Variants in PDZK1 observed in about 807,000 individuals in gnomAD.
The protein encoded by PDZK1 is PDZ domain containing 1, also known as Na(+)/H(+) exchange regulatory cofactor NHE-RF3.
In PDZK1, 23 loss-of-function variants were observed where a neutral mutation model predicts 38.1. The observed-to-expected ratio is 0.60, with a 90% CI of 0.43 to 0.85. The LOEUF is 0.85. PDZK1 is among the 40% of genes least tolerant of loss of function. PDZK1 has a pLI of 0.00. For synonymous variants in PDZK1, 98 were observed against 186.2 expected (o/e 0.53, Z 3.86); for missense variants, 297 against 504.3 (o/e 0.59, Z 3.94).
chr1:145,702,095 G>A (rs945306919), intron 1 of PDZK1, among the ~76,000 whole-genome samples: 3 of 152,126 alleles, frequency 2.0e-5, no homozygotes, highest in Non-Finnish European at 4.4e-5. Flanking sequence ...CCATTCCATT[G>A]AGAATTATCT....
At chr1:145,689,492 G>A (rs1001824559) in intron 1 of PDZK1, among the ~76,000 whole-genome samples, 1 of 152,164 alleles carries the variant, frequency 6.6e-6, no homozygotes, top group Non-Finnish European at 1.5e-5. Context: ...CTAGGGCTCC[G>A]GCACACAGTT....
intron 1 of PDZK1, among the ~76,000 whole-genome samples, chr1:145,698,186 C>T (rs1655748463): frequency 6.6e-6 from 1 of 152,016 alleles, no homozygotes; most frequent in African/African-American, 2.4e-5. Context: ...TAGGGTCAAA[C>T]AGGTAAATCA....
At chr1:145,681,461 T>C (rs1366561577) in intron 4 of PDZK1, among the ~76,000 whole-genome samples, 32 of 149,906 alleles carry the variant, frequency 2.1e-4, no homozygotes, top group Non-Finnish European at 7.4e-5. Context: ...TTTTTTTTTT[T>C]TTATTTTTAG....
intron 8 of PDZK1, 56 bp downstream of exon 8, chr1:145,672,674 G>A (rs1483311689): frequency 1.2e-6 from 2 of 1,600,218 alleles, no homozygotes; most frequent in Non-Finnish European, 8.5e-7. Flanking sequence ...TACTCATAGG[G>A]ACTGTACCCA....
At chr1:145,699,414 C>G (rs1655829328) in intron 1 of PDZK1, among the ~76,000 whole-genome samples, 1 of 152,088 alleles carries the variant, frequency 6.6e-6, no homozygotes, top group Non-Finnish European at 1.5e-5. Flanking sequence ...AAGACTCCAT[C>G]TCAAACTAAC....
At chr1:145,680,868 G>C in intron 5 of PDZK1, 44 bp downstream of exon 5, 1 of 364,264 alleles carries the variant, frequency 2.7e-6, no homozygotes, top group Non-Finnish European at 4.8e-6. Flanking sequence ...AATGGGATGA[G>C]GAATTTGCTG....
rs1655781745 is a variant in PDZK1 at position 145,698,791 on chromosome 1, G to C, written c.-3+8526C>G. ...TAAAAACACAAAAAACATTAGCCAG[G>C]TGTGGTGGCAGGCACCTATAACCCC... On this transcript the variant is annotated intron_variant, in intron 1 of 8. Transcript: ENST00000417171. 3.3e-5 allele frequency among the ~76,000 whole-genome samples: 5 copies of C among 152,056 alleles called. No homozygotes were observed. In the South Asian group the frequency reaches 1.0e-3, roughly 32 times the overall value.
At chr1:145,688,055 T>C (rs1654949583) in intron 1 of PDZK1, 32 bp from the exon 2 acceptor site, 1 of 1,560,596 alleles carries the variant, frequency 6.4e-7, no homozygotes. Flanking sequence ...AATAAAACCA[T>C]GGAAAAGAGA....
intron 6 of PDZK1, among the ~76,000 whole-genome samples, chr1:145,677,910 TAA>T (rs71077285): frequency 0.046 from 3,167 of 68,682 alleles, 56 homozygotes; most frequent in African/African-American, 0.076. Flanking sequence ...GTGTTAAAAG[TAA>T]AAAAAAAAAA....
At chr1:145,678,874 G>T (rs1278943033) in intron 5 of PDZK1, among the ~76,000 whole-genome samples, 6 of 148,058 alleles carry the variant, frequency 4.1e-5, no homozygotes, top group South Asian at 2.2e-4. Flanking sequence ...ACAATGAAGG[G>T]GTCTTAACGA....
intron 1 of PDZK1, among the ~76,000 whole-genome samples, chr1:145,697,275 C>T (rs973332458): frequency 1.3e-5 from 2 of 150,056 alleles, no homozygotes; most frequent in East Asian, 2.0e-4. Flanking sequence ...TGCGGTGAGC[C>T]GAGATCACAC....
intron 1 of PDZK1, among the ~76,000 whole-genome samples, chr1:145,702,233 T>G (rs1553705071): frequency 1.3e-5 from 2 of 151,982 alleles, no homozygotes; most frequent in East Asian, 1.9e-4. Flanking sequence ...CCAGCCACCA[T>G]AAACAATACT....
At chr1:145,680,721 T>C (rs1395980091) in intron 5 of PDZK1, among the ~76,000 whole-genome samples, 191 bp downstream of exon 5, 6 of 148,716 alleles carry the variant, frequency 4.0e-5, no homozygotes, top group Non-Finnish European at 8.9e-5. Flanking sequence ...TTCTGCCTTA[T>C]CATAATGCTA....
intron 1 of PDZK1, among the ~76,000 whole-genome samples, chr1:145,694,895 CAAAAAA>C (rs10657290): frequency 2.5e-5 from 1 of 39,792 alleles, no homozygotes; most frequent in African/African-American, 7.2e-5. Flanking sequence ...GACTCTGTCT[CAAAAAA>C]AAAAAAAAAA....
At chr1:145,674,974 A>G (rs1553699027) in intron 6 of PDZK1, among the ~76,000 whole-genome samples, 1 of 152,182 alleles carries the variant, frequency 6.6e-6, no homozygotes, top group African/African-American at 2.4e-5. Flanking sequence ...CACATATTGT[A>G]ACAAAAGTTA....
rs200368227 is a variant in PDZK1 at position 145,686,454 on chromosome 1, C to T, written c.460+23G>A. On this transcript the variant is annotated intron_variant, in intron 3 of 8. Transcript: ENST00000417171. ...TGTCTGTGCCCTGCCCCTGCCTCCC[C>T]CTGCTCCCCAAAAAATTCTCACCTT... The T allele has an allele frequency of 2.7e-4, 437 of 1,608,984 alleles. 2 individuals carry two copies. The highest frequency in any genetic ancestry group is 4.2e-4 in the Admixed American group (25 of 59,816).
chr1:145,697,751 C>T (rs1655716412), intron 1 of PDZK1, among the ~76,000 whole-genome samples: 2 of 149,016 alleles, frequency 1.3e-5, no homozygotes. Context: ...CACCCGCCAC[C>T]ATGCCCAGCT....
At chr1:145,675,028 C>T (rs1269101675) in intron 6 of PDZK1, among the ~76,000 whole-genome samples, 2 of 152,054 alleles carry the variant, frequency 1.3e-5, no homozygotes, top group Non-Finnish European at 2.9e-5. Flanking sequence ...CCTTCCAGAC[C>T]TGGGATCTGT....
chr1:145,706,841 G>T (rs1279797539), intron 1 of PDZK1, among the ~76,000 whole-genome samples: 3 of 151,898 alleles, frequency 2.0e-5, no homozygotes, highest in Non-Finnish European at 4.4e-5. Context: ...GTGATACAGA[G>T]AGGAAAGATG....
Sources: gnomAD v4.1 joint callset for allele counts (sites outside exome capture counted in the v4.1 genomes callset) on GRCh38, gnomAD v4.1.1 for gene constraint, MANE v1.5 for transcripts, NCBI Gene and HGNC (gene_info 2026-07-23, HGNC 2026-07-21) for gene names.